SACS: variants seen among roughly 807,000 people sequenced by gnomAD.
SACS encodes the protein sacsin molecular chaperone, also known as sacsin.
Under a neutral mutation model 348.0 loss-of-function variants are expected in SACS, and 197 were observed. The observed-to-expected ratio is 0.57, with a 90% confidence interval of 0.50 to 0.64. SACS has a LOEUF of 0.64. Ranked by LOEUF, SACS falls within the 30% of genes least tolerant of loss-of-function variation. SACS has a pLI of 0.00. For missense variants in SACS, 4,999 were observed against 5,360.8 expected (o/e 0.93, Z 2.11); for synonymous variants, 1,985 against 1,910.6 (o/e 1.04, Z -1.02).
At chr13:23,360,754 CTTTTT>C (rs11340654) in intron 6 of SACS, among the ~76,000 whole-genome samples, 1 of 125,330 alleles carries the variant, frequency 8.0e-6, no homozygotes. Context: ...CTCCAAGGTA[CTTTTT>C]TTTTTTTTTT....
At chr13:23,410,703 C>A (rs886495384) in intron 2 of SACS, among the ~76,000 whole-genome samples, 1 of 151,680 alleles carries the variant, frequency 6.6e-6, no homozygotes, top group African/African-American at 2.4e-5. Context: ...TTGCACAAAT[C>A]CTCAAGCTTG....
intron 2 of SACS, among the ~76,000 whole-genome samples, chr13:23,391,035 C>T (rs1041574241): frequency 1.3e-5 from 2 of 152,228 alleles, no homozygotes; most frequent in Non-Finnish European, 2.9e-5. Flanking sequence ...ACAGGCCGTG[C>T]CTGGGGACCA....
At chr13:23,399,764 T>C (rs1872875802) in intron 2 of SACS, among the ~76,000 whole-genome samples, 1 of 152,056 alleles carries the variant, frequency 6.6e-6, no homozygotes, top group Non-Finnish European at 1.5e-5. Context: ...GACTCTGAGC[T>C]CTTGTTTCTA....
At chr13:23,432,641 CAAATA>C (rs1874479993) in intron 1 of SACS, among the ~76,000 whole-genome samples, 1 of 152,104 alleles carries the variant, frequency 6.6e-6, no homozygotes, top group Non-Finnish European at 1.5e-5. Flanking sequence ...TGTCATGTGA[CAAATA>C]AAATGGGATT....
At chr13:23,398,776 T>C (rs916667809) in intron 2 of SACS, among the ~76,000 whole-genome samples, 1 of 151,926 alleles carries the variant, frequency 6.6e-6, no homozygotes, top group East Asian at 1.9e-4. Flanking sequence ...GATAACAGAC[T>C]TCAGAGAGAG....
In SACS at chr13:23,375,113, G is replaced by A. The variant is rs3751368; in HGVS notation, c.171+6C>T. ...GCCCAGCCCAGCGCCCCCGGCCACC[G>A]CCTACCTCGCGGCCGCCGCGCCACA... On this transcript the variant is annotated splice_donor_region_variant and intron_variant, in intron 3 of 9. Transcript: ENST00000382292. The A allele has an allele frequency of 0.16, 242,853 of 1,491,360 alleles. 21,150 individuals carry two copies. Among genetic ancestry groups the A allele is most frequent in the Admixed American group, 0.21 (9,055 of 42,796 alleles). 92.4% of individuals were successfully genotyped at this position (1,491,360 alleles called of 1,614,324 possible).
intron 2 of SACS, among the ~76,000 whole-genome samples, chr13:23,399,372 T>C (rs1241142783): frequency 1.3e-5 from 2 of 152,190 alleles, no homozygotes; most frequent in Non-Finnish European, 2.9e-5. Flanking sequence ...CTCACATCTC[T>C]TCCTTGTTTG....
intron 3 of SACS, chr13:23,374,062 G>A (rs9510710): frequency 0.88 from 133,878 of 152,242 alleles, 58,942 homozygotes; most frequent in East Asian, 1. Flanking sequence ...TTTTTGACCC[G>A]ACCTGTTTTA....
chr13:23,335,865 C>T lies in SACS; in HGVS notation c.8011G>A (p.Asp2671Asn), dbSNP rs1478708979. Reference sequence around the variant, plus strand: ...GAGAACTGTGTCCTAAAATCTGCATCCAAATCTCTAAACATGCGTCCGGGA... The same window carrying T: ...GAGAACTGTGTCCTAAAATCTGCATTCAAATCTCTAAACATGCGTCCGGGA... ...ISPGRMFRDL[D>N]ADFRTQFSDV... is the part of the protein sequence containing the mutation. The change falls in exon 10 of 10, where the codon GAT (aspartate) becomes AAT (asparagine). Residue 2671 changes from aspartate to asparagine, a missense_variant. Asp to Asn is a conservative substitution (Grantham distance 23, BLOSUM62 1). This residue lies in a region of SACS where 3,156 missense variants were observed against 3,380.1 expected (regional missense o/e 0.93). Coordinates refer to ENST00000382292, the MANE Select transcript of SACS (RefSeq NM_014363.6). The surrounding 1 kb of genome is among the most constrained non-coding windows in gnomAD (Gnocchi z 4.7). 15 of 1,613,898 alleles carry T rather than the reference C, an allele frequency of 9.3e-6. No individual in the cohort carries two copies. Among genetic ancestry groups the T allele is most frequent in the Non-Finnish European group, 1.3e-5 (15 of 1,179,872 alleles).
intron 1 of SACS, among the ~76,000 whole-genome samples, chr13:23,421,321 G>T (rs775655500): frequency 1.3e-5 from 2 of 151,970 alleles, no homozygotes; most frequent in Non-Finnish European, 2.9e-5. Context: ...TACCCCTGGG[G>T]CTTGATATTC....
chr13:23,357,830 G>A (rs186447639), intron 7 of SACS, among the ~76,000 whole-genome samples: 127 of 152,254 alleles, frequency 8.3e-4, no homozygotes, highest in African/African-American at 3.0e-3. Context: ...ATGCTTATAA[G>A]TCTAAAAAGA....
chr13:23,406,184 G>A (rs1174482915), intron 2 of SACS, among the ~76,000 whole-genome samples: 1 of 152,174 alleles, frequency 6.6e-6, no homozygotes, highest in African/African-American at 2.4e-5. Flanking sequence ...TACACACAAT[G>A]GAATACTATG....
chr13:23,358,544 A>C, intron 6 of SACS, 63 bp from the exon 7 acceptor site: 55 of 1,554,838 alleles, frequency 3.5e-5, no homozygotes, highest in Non-Finnish European at 4.7e-5. Flanking sequence ...GTTCTATCTC[A>C]AGAGATCCTC....
chr13:23,390,725 T>G (rs1306482980), intron 2 of SACS, among the ~76,000 whole-genome samples: 1 of 152,138 alleles, frequency 6.6e-6, no homozygotes, highest in Non-Finnish European at 1.5e-5. Context: ...GGTAATACAT[T>G]TGTTTTATGT....
chr13:23,346,433 C>T (rs1371477902), intron 9 of SACS, among the ~76,000 whole-genome samples: 3 of 152,170 alleles, frequency 2.0e-5, no homozygotes, highest in Admixed American at 6.5e-5. Flanking sequence ...CGTGAGCCAC[C>T]GAGCCTGGCC....
intron 2 of SACS, among the ~76,000 whole-genome samples, chr13:23,387,335 A>G (rs1362426747): frequency 2.0e-5 from 3 of 152,008 alleles, no homozygotes; most frequent in East Asian, 3.9e-4. Context: ...GGCGGCGGGC[A>G]ACTGTAGTCC....
chr13:23,395,271 C>T lies in SACS; in HGVS notation c.20+15949G>A, dbSNP rs1425261559. Among the ~76,000 whole-genome samples, 17 of 152,112 alleles carry T rather than the reference C, an allele frequency of 1.1e-4. 1 individual carries two copies. The highest frequency in any genetic ancestry group is 1.0e-3 in the Admixed American group (16 of 15,274). Reference sequence around the variant, plus strand: ...ATGGGAGCTTCTCAGTCACTGAAACCCCCCTTCTCAAGCCCTTGATGGCTG... The same window carrying T: ...ATGGGAGCTTCTCAGTCACTGAAACTCCCCTTCTCAAGCCCTTGATGGCTG... On this transcript the variant is annotated intron_variant, in intron 2 of 9. Coordinates refer to ENST00000382292, the MANE Select transcript of SACS (RefSeq NM_014363.6).
In SACS at chr13:23,355,038, G is replaced by A. The variant is rs1870257746; in HGVS notation, c.1574C>T (p.Pro525Leu). 1 of 1,614,070 alleles carries A rather than the reference G, an allele frequency of 6.2e-7. No homozygotes were observed. The highest frequency in any genetic ancestry group is 8.5e-7 in the Non-Finnish European group (1 of 1,180,042). ...CTTATAGATAACATCAACTGACAAG[G>A]GGAAATCAGAGCTCTTTTCCATCTC... ...RLEMEKSSDF[P>L]LSVDVIYKLW... The change falls in exon 8 of 10, where the codon CCC becomes CTC. Residue 525 changes from proline (P) to leucine (L), a missense_variant. Physicochemically the swap from Pro to Leu is moderately conservative, Grantham distance 98. Coordinates refer to ENST00000382292, the MANE Select transcript of SACS (RefSeq NM_014363.6).
intron 6 of SACS, among the ~76,000 whole-genome samples, chr13:23,361,675 G>T (rs1333229997): frequency 1.3e-5 from 2 of 152,078 alleles, no homozygotes; most frequent in Non-Finnish European, 2.9e-5. Flanking sequence ...TATTCAGGAG[G>T]CTAAGGCAGG....
Sources: gnomAD v4.1 joint callset for allele counts (sites outside exome capture counted in the v4.1 genomes callset) on GRCh38, gnomAD v4.1.1 for gene constraint, gnomAD v4.1.1 regional missense constraint, Gnocchi (gnomAD v3.1) non-coding constraint, MANE v1.5 for transcripts, NCBI Gene and HGNC (gene_info 2026-07-23, HGNC 2026-07-21) for gene names.